Variants in AGBL1 observed in about 807,000 individuals in gnomAD.
The protein encoded by AGBL1 is cytosolic carboxypeptidase 4.
AGBL1 carries 130 observed loss-of-function variants against 118.9 expected under a neutral mutation model. That is an observed-to-expected ratio of 1.09 (90% CI 0.95 to 1.26). AGBL1 has a LOEUF of 1.26. Among genes scored for constraint, AGBL1 ranks in the 50% most tolerant of loss-of-function variants. AGBL1 has a pLI of 0.00. For synonymous variants in AGBL1, 555 were observed against 478.9 expected, an observed-to-expected ratio of 1.16 and a Z score of -2.08; for missense variants, 1,584 against 1,298.1, an observed-to-expected ratio of 1.22 and a Z score of -3.38.
intron 22 of AGBL1, among the ~76,000 whole-genome samples, chr15:86,713,841 T>C (rs1255334714): frequency 6.6e-6 from 1 of 152,060 alleles, no homozygotes; most frequent in Non-Finnish European, 1.5e-5. Context: ...AAATAAATCA[T>C]GAAAGAGCTG....
chr15:86,300,756 T>C (rs2079732721), intron 17 of AGBL1, among the ~76,000 whole-genome samples: 1 of 152,228 alleles, frequency 6.6e-6, no homozygotes, highest in Admixed American at 6.5e-5. Flanking sequence ...GCATTTGCAG[T>C]TGTTAAAGAA....
intron 23 of AGBL1, among the ~76,000 whole-genome samples, chr15:86,968,067 G>A (rs2701374): frequency 1 from 152,089 of 152,090 alleles, 76,044 homozygotes; most frequent in Middle Eastern, 1. Flanking sequence ...AAAATATCAG[G>A]TTCTCTTTTA....
chr15:86,307,525 A>T (rs2079858327), intron 17 of AGBL1, among the ~76,000 whole-genome samples: 1 of 152,156 alleles, frequency 6.6e-6, no homozygotes, highest in Non-Finnish European at 1.5e-5. Context: ...CCCTTTTTAC[A>T]GATGATGGAA....
chr15:86,707,390 A>G (rs1311814540), intron 22 of AGBL1, among the ~76,000 whole-genome samples: 1 of 144,444 alleles, frequency 6.9e-6, no homozygotes, highest in African/African-American at 2.5e-5. Context: ...AGTCAAGCAA[A>G]TAGGAAAGAA....
chr15:86,826,017 C>A (rs1405383701), intron 22 of AGBL1, among the ~76,000 whole-genome samples: 2 of 141,080 alleles, frequency 1.4e-5, no homozygotes, highest in Non-Finnish European at 3.1e-5. Flanking sequence ...ATTGAGTTCC[C>A]TTCAGCAGTA....
At chr15:86,210,066 A>C (rs1415656076) in intron 5 of AGBL1, among the ~76,000 whole-genome samples, 1 of 152,100 alleles carries the variant, frequency 6.6e-6, no homozygotes, top group Non-Finnish European at 1.5e-5. Flanking sequence ...TTTCTCCTTC[A>C]CTTATGAAGC....
intron 21 of AGBL1, among the ~76,000 whole-genome samples, chr15:86,617,172 T>C (rs573182627): frequency 2.0e-5 from 3 of 152,328 alleles, no homozygotes; most frequent in Admixed American, 2.0e-4. Flanking sequence ...TAAAGGGTCC[T>C]GCTTTTACAC....
intron 1 of AGBL1, among the ~76,000 whole-genome samples, chr15:86,081,570 C>T (rs76135569): frequency 0.014 from 2,143 of 152,274 alleles, 31 homozygotes; most frequent in South Asian, 0.075. Context: ...ACCAGGGGTA[C>T]TGGAGGCAGG....
chr15:86,964,008 A>ACTCTCTCTCTCTCTCTCTCTCTCTCT (rs71460234), intron 23 of AGBL1, among the ~76,000 whole-genome samples: 16 of 139,468 alleles, frequency 1.1e-4, no homozygotes, highest in African/African-American at 4.0e-4. Context: ...GAGCCAGGAA[A>ACTCTCTCTCTCTCTCTCTCTCTCTCT]CTCTCTCTCT....
At chr15:86,340,924 C>G (rs1195005063) in intron 17 of AGBL1, among the ~76,000 whole-genome samples, 1 of 152,176 alleles carries the variant, frequency 6.6e-6, no homozygotes, top group African/African-American at 2.4e-5. Context: ...ACCACTACTC[C>G]TCACGTGGTG....
At chr15:86,497,045 A>G (rs2082863447) in intron 18 of AGBL1, among the ~76,000 whole-genome samples, 1 of 151,966 alleles carries the variant, frequency 6.6e-6, no homozygotes, top group African/African-American at 2.4e-5. Context: ...CAATATCTCT[A>G]TACCTTCCCA....
At chr15:86,433,250 C>CCTT (rs1204236975) in intron 18 of AGBL1, among the ~76,000 whole-genome samples, 16 of 139,336 alleles carry the variant, frequency 1.1e-4, no homozygotes, top group African/African-American at 3.8e-4. Flanking sequence ...TTCTCCTCCT[C>CCTT]CTCCTCCTCC....
At chr15:86,341,390 C>CAAT (rs1359345723) in intron 17 of AGBL1, among the ~76,000 whole-genome samples, 1 of 151,488 alleles carries the variant, frequency 6.6e-6, no homozygotes, top group Non-Finnish European at 1.5e-5. Context: ...AAAACAAGAA[C>CAAT]AACCAACCTA....
chr15:86,687,814 C>G (rs549576130), intron 22 of AGBL1, among the ~76,000 whole-genome samples: 2 of 152,032 alleles, frequency 1.3e-5, no homozygotes, highest in East Asian at 1.9e-4. Flanking sequence ...TATAGCCCCT[C>G]GATGAGTGTC....
intron 17 of AGBL1, among the ~76,000 whole-genome samples, chr15:86,310,517 G>C (rs1396215492): frequency 6.6e-6 from 1 of 152,126 alleles, no homozygotes; most frequent in Non-Finnish European, 1.5e-5. Flanking sequence ...GGAGCCTAAA[G>C]CTGGGATCTG....
In AGBL1 at chr15:86,652,087, A is replaced by T. The variant is rs139223513; in HGVS notation, c.2995-22186A>T. The stretch of plus-strand genomic sequence containing the variant: ...CACTAACTTCATCTATTCTTTCCCC[A>T]ATACAATAAAAAGGAAACCTCTGTT... On this transcript the variant is annotated intron_variant, in intron 21 of 22. Coordinates refer to ENST00000614907, the MANE Select transcript of AGBL1 (RefSeq NM_001386094.1). Among the ~76,000 whole-genome samples, 680 of 152,244 alleles carry T rather than the reference A, an allele frequency of 4.5e-3. 24 individuals carry two copies. The highest frequency in any genetic ancestry group is 9.8e-4 in the Non-Finnish European group (67 of 68,022).
chr15:86,950,924 T>A (rs2080874697), intron 23 of AGBL1, among the ~76,000 whole-genome samples: 2 of 152,114 alleles, frequency 1.3e-5, no homozygotes, highest in African/African-American at 4.8e-5. Flanking sequence ...AAACACTATA[T>A]GAAACAAGGC....
At chr15:86,240,878 A>G (rs747609603) in intron 6 of AGBL1, among the ~76,000 whole-genome samples, 9 of 152,186 alleles carry the variant, frequency 5.9e-5, no homozygotes, top group Non-Finnish European at 8.8e-5. Flanking sequence ...TCTTACTCAT[A>G]TATGTCTTAT....
At chr15:86,781,301 A>T (rs1358849236) in intron 22 of AGBL1, among the ~76,000 whole-genome samples, 1 of 152,112 alleles carries the variant, frequency 6.6e-6, no homozygotes, top group Non-Finnish European at 1.5e-5. Flanking sequence ...TGCCTTCCGT[A>T]GGGTTAATCA....
Sources: gnomAD v4.1 joint callset for allele counts (sites outside exome capture counted in the v4.1 genomes callset) on GRCh38, gnomAD v4.1.1 for gene constraint, MANE v1.5 for transcripts, NCBI Gene and HGNC (gene_info 2026-07-23, HGNC 2026-07-21) for gene names.